GDPD4: variants seen among roughly 807,000 people sequenced by gnomAD.
GDPD4 encodes the protein glycerophosphodiester phosphodiesterase 6.
Under a neutral mutation model 67.8 loss-of-function variants are expected in GDPD4, and 60 were observed. The ratio of observed to expected loss-of-function variants is 0.88; its 90% CI spans 0.72 to 1.10. The LOEUF is 1.10. GDPD4 is among the 50% of genes least tolerant of loss of function. The probability of loss-of-function intolerance (pLI) is 0.00; values close to 1 mark genes in which losing one functional copy is unlikely to be tolerated. For synonymous variants in GDPD4, 212 were observed against 210.9 expected (o/e 1.00, Z -0.04); for missense variants, 623 against 613.9 (o/e 1.01, Z -0.16).
At chr11:77,230,375 A>G (rs527604851) in intron 14 of GDPD4, among the ~76,000 whole-genome samples, 1 of 152,344 alleles carries the variant, frequency 6.6e-6, no homozygotes, top group South Asian at 2.1e-4. Context: ...AAAGTATGTC[A>G]TTTTCAAAGA....
chr11:77,229,659 T>G (rs1428819434), intron 14 of GDPD4, among the ~76,000 whole-genome samples: 1 of 152,202 alleles, frequency 6.6e-6, no homozygotes, highest in Non-Finnish European at 1.5e-5. Flanking sequence ...GGTTTCTGGG[T>G]CTCACTAGAC....
intron 11 of GDPD4, among the ~76,000 whole-genome samples, chr11:77,245,818 G>C (rs17135435): frequency 0.024 from 3,708 of 152,138 alleles, 166 homozygotes; most frequent in African/African-American, 0.085. Context: ...AGTCACGCTG[G>C]CTTCCTACAT....
intron 16 of GDPD4, among the ~76,000 whole-genome samples, chr11:77,223,866 GGCT>G (rs1244265443): frequency 6.6e-6 from 1 of 152,178 alleles, no homozygotes; most frequent in Non-Finnish European, 1.5e-5. Context: ...TGAGCGTCCT[GGCT>G]GCTTTGTTTA....
intron 11 of GDPD4, among the ~76,000 whole-genome samples, chr11:77,248,888 A>ATTT (rs568506140): frequency 8.2e-6 from 1 of 122,404 alleles, no homozygotes. Flanking sequence ...TGCCCGGCTA[A>ATTT]TTTTTTTTTT....
At chr11:77,234,962 C>T (rs972098370) in intron 13 of GDPD4, among the ~76,000 whole-genome samples, 7 of 148,240 alleles carry the variant, frequency 4.7e-5, no homozygotes, top group Non-Finnish European at 7.4e-5. Context: ...ACATTCCCAC[C>T]AACAGTGTCT....
intron 1 of GDPD4, among the ~76,000 whole-genome samples, chr11:77,295,922 A>C (rs980499666): frequency 1.3e-5 from 2 of 152,164 alleles, no homozygotes; most frequent in Admixed American, 6.5e-5. Context: ...ACACTAAATA[A>C]GGGTGAATTT....
intron 16 of GDPD4, among the ~76,000 whole-genome samples, chr11:77,222,320 C>T (rs11512967): frequency 0.19 from 29,266 of 152,134 alleles, 3,743 homozygotes; most frequent in Non-Finnish European, 0.27. Flanking sequence ...CTAGCTTTGA[C>T]GGTCTTTACA....
At chr11:77,284,975 G>A in intron 3 of GDPD4, 110 bp downstream of exon 3, 2 of 798,266 alleles carry the variant, frequency 2.5e-6, no homozygotes, top group East Asian at 4.9e-5. Context: ...GCCCAGTTTT[G>A]TCCGCCTTCC....
chr11:77,274,877 CAAGGGCTGGA>C (rs1234047890), intron 5 of GDPD4, among the ~76,000 whole-genome samples: 1 of 151,946 alleles, frequency 6.6e-6, no homozygotes, highest in African/African-American at 2.4e-5. Flanking sequence ...TGATAGTTAC[CAAGGGCTGGA>C]AAGGGTGGGT....
intron 2 of GDPD4, 50 bp from the exon 3 acceptor site, chr11:77,285,237 C>A: frequency 1.1e-6 from 1 of 935,846 alleles, no homozygotes; most frequent in South Asian, 1.5e-5. Context: ...TCCTTGTTAC[C>A]TCAGCAGTTT....
chr11:77,218,763 C>G (rs1958172855), intron 16 of GDPD4, among the ~76,000 whole-genome samples: 1 of 152,132 alleles, frequency 6.6e-6, no homozygotes, highest in African/African-American at 2.4e-5. Flanking sequence ...TGTATATGTG[C>G]TACATTTTCT....
intron 14 of GDPD4, among the ~76,000 whole-genome samples, chr11:77,231,368 T>A (rs932498763): frequency 6.6e-6 from 1 of 152,170 alleles, no homozygotes; most frequent in Admixed American, 6.5e-5. Flanking sequence ...ATTTCCACAT[T>A]CACACAGTAA....
intron 13 of GDPD4, among the ~76,000 whole-genome samples, chr11:77,235,030 T>G (rs1317553476): frequency 4.2e-5 from 6 of 142,660 alleles, no homozygotes; most frequent in Non-Finnish European, 7.7e-5. Flanking sequence ...TTTTTTTTTT[T>G]TTTTTTTGAC....
intron 13 of GDPD4, 82 bp downstream of exon 13, chr11:77,243,612 G>A (rs1361552744): frequency 8.4e-7 from 1 of 1,186,340 alleles, no homozygotes; most frequent in East Asian, 2.3e-5. Flanking sequence ...GATGGAAAGG[G>A]GAAGTTAAGA....
chr11:77,222,260 C>G (rs551800942), intron 16 of GDPD4, among the ~76,000 whole-genome samples: 1 of 152,188 alleles, frequency 6.6e-6, no homozygotes, highest in Non-Finnish European at 1.5e-5. Context: ...TTAATGCTGT[C>G]ATTATGATGT....
At chr11:77,248,067 A>G (rs1259475984) in intron 11 of GDPD4, among the ~76,000 whole-genome samples, 32 of 151,248 alleles carry the variant, frequency 2.1e-4, no homozygotes, top group African/African-American at 7.0e-4. Flanking sequence ...AAAAAAAAAA[A>G]AAAAGAAAAG....
chr11:77,273,972 C>T (rs1959335497), intron 5 of GDPD4, among the ~76,000 whole-genome samples: 1 of 152,198 alleles, frequency 6.6e-6, no homozygotes, highest in South Asian at 2.1e-4. Flanking sequence ...AACAGTCTTC[C>T]TGATTTCAAA....
Position 77,248,071 on chromosome 11 carries a change from AG to A in GDPD4, c.865-2570del, listed in dbSNP as rs1316390194. ...CGTCTCAAAAAAAAAAAAAAAAAAAAGAAAAGAAAGAAAGAAATAGAAGGAC... is the reference window on the plus strand; with the variant it reads ...CGTCTCAAAAAAAAAAAAAAAAAAAAAAAAGAAAGAAAGAAATAGAAGGAC... On this transcript the variant is annotated intron_variant, in intron 11 of 16. Transcript: ENST00000315938. 8.7e-3 allele frequency among the ~76,000 whole-genome samples: 1,297 copies of A among 149,630 alleles called. 8 individuals are homozygous for A. Among genetic ancestry groups the A allele is most frequent in the African/African-American group, 0.012 (477 of 40,684 alleles).
At chr11:77,236,013 C>T (rs1012084624) in intron 13 of GDPD4, among the ~76,000 whole-genome samples, 1 of 142,964 alleles carries the variant, frequency 7.0e-6, no homozygotes, top group Admixed American at 6.9e-5. Flanking sequence ...GAATGAGATA[C>T]TAAAAAATGA....
Sources: gnomAD v4.1 joint callset for allele counts (sites outside exome capture counted in the v4.1 genomes callset) on GRCh38, gnomAD v4.1.1 for gene constraint, MANE v1.5 for transcripts, NCBI Gene and HGNC (gene_info 2026-07-23, HGNC 2026-07-21) for gene names.